USP46: variants seen among roughly 807,000 people sequenced by gnomAD.
USP46 encodes ubiquitin carboxyl-terminal hydrolase 46.
In USP46, 12 loss-of-function variants were observed where a neutral mutation model predicts 44.4. The ratio of observed to expected loss-of-function variants is 0.27; its 90% CI spans 0.17 to 0.44. The LOEUF (loss-of-function observed/expected upper bound fraction) is 0.44, where lower values mean the gene tolerates loss of function less well. USP46 is among the 20% of genes least tolerant of loss of function. The pLI is 1.00. For missense variants in USP46, 248 were observed against 444.8 expected, an observed-to-expected ratio of 0.56 and a Z score of 3.98; for synonymous variants, 155 against 161.5, an observed-to-expected ratio of 0.96 and a Z score of 0.31.
intron 4 of USP46, among the ~76,000 whole-genome samples, chr4:52,614,377 A>G (rs1041141301): frequency 6.6e-6 from 1 of 152,222 alleles, no homozygotes; most frequent in Non-Finnish European, 1.5e-5. Flanking sequence ...GGTGCCTCAC[A>G]GCCAAACTGT....
At chr4:52,613,247 C>G (rs7671541) in intron 4 of USP46, among the ~76,000 whole-genome samples, 27,928 of 152,068 alleles carry the variant, frequency 0.18, 3,076 homozygotes, top group African/African-American at 0.33. Context: ...CTCCAACTCT[C>G]CCCACATGTG....
At chr4:52,609,889 A>C (rs1165752412) in intron 5 of USP46, among the ~76,000 whole-genome samples, 1 of 84,704 alleles carries the variant, frequency 1.2e-5, no homozygotes, top group Non-Finnish European at 2.5e-5. Context: ...CTAAACCTCA[A>C]TTCTATTTCT....
chr4:52,640,640 A>G (rs1718301371), intron 1 of USP46, among the ~76,000 whole-genome samples: 1 of 148,640 alleles, frequency 6.7e-6, no homozygotes, highest in South Asian at 2.2e-4. Flanking sequence ...GTCTCTACTT[A>G]AAAAAAAAAT....
intron 4 of USP46, among the ~76,000 whole-genome samples, chr4:52,614,070 A>G (rs1717033208): frequency 6.6e-6 from 1 of 152,220 alleles, no homozygotes; most frequent in Non-Finnish European, 1.5e-5. Context: ...ATTTAACAGC[A>G]AAGTGGAGGT....
At chr4:52,631,023 C>G in intron 2 of USP46, 41 bp downstream of exon 2, 6 of 1,517,704 alleles carry the variant, frequency 4.0e-6, no homozygotes, top group Non-Finnish European at 5.4e-6. Context: ...CTTCATATAC[C>G]CTAAAACATT....
chr4:52,619,764 G>A (rs1270092346), intron 4 of USP46, among the ~76,000 whole-genome samples: 2 of 152,188 alleles, frequency 1.3e-5, no homozygotes, highest in African/African-American at 4.8e-5. Context: ...TCCATCAGAT[G>A]CTGTTGACCA....
At chr4:52,632,979 AGAAAG>A (rs1717939725) in intron 1 of USP46, among the ~76,000 whole-genome samples, 1 of 77,068 alleles carries the variant, frequency 1.3e-5, no homozygotes, top group Non-Finnish European at 2.5e-5. Flanking sequence ...AAAGAAAGAA[AGAAAG>A]AAAAGAAAAG....
At chr4:52,608,402 A>G (rs968437304) in intron 5 of USP46, among the ~76,000 whole-genome samples, 17 of 152,362 alleles carry the variant, frequency 1.1e-4, no homozygotes, top group African/African-American at 3.8e-4. Context: ...GAAATACTAC[A>G]TGAGAAACAC....
chr4:52,620,596 C>A (rs1717340548), intron 4 of USP46, among the ~76,000 whole-genome samples: 1 of 152,014 alleles, frequency 6.6e-6, no homozygotes, highest in East Asian at 1.9e-4. Flanking sequence ...TGTACAAAGC[C>A]ACTAGATTAG....
At chr4:52,609,837 C>G (rs1716854178) in intron 5 of USP46, among the ~76,000 whole-genome samples, 1 of 140,428 alleles carries the variant, frequency 7.1e-6, no homozygotes, top group South Asian at 2.4e-4. Context: ...TATGGATGAC[C>G]AACATACACA....
chr4:52,608,187 T>G (rs1716772426), intron 5 of USP46, among the ~76,000 whole-genome samples: 1 of 152,226 alleles, frequency 6.6e-6, no homozygotes, highest in East Asian at 1.9e-4. Flanking sequence ...GCAAATATTT[T>G]AAAACTTTAA....
chr4:52,657,063 A>G (rs1417987666), intron 1 of USP46, among the ~76,000 whole-genome samples: 2 of 151,002 alleles, frequency 1.3e-5, no homozygotes, highest in South Asian at 4.2e-4. Flanking sequence ...AAAAAAAAAA[A>G]GAACCAGGAC....
intron 4 of USP46, among the ~76,000 whole-genome samples, chr4:52,617,922 C>T (rs1717224714): frequency 6.6e-6 from 1 of 152,178 alleles, no homozygotes; most frequent in African/African-American, 2.4e-5. Flanking sequence ...TCTTCTCCCT[C>T]AATTTTGAGC....
intron 4 of USP46, among the ~76,000 whole-genome samples, chr4:52,616,294 A>T (rs1560397814): frequency 6.6e-6 from 1 of 152,196 alleles, no homozygotes. Context: ...CTGATTCAGA[A>T]TGTCAATAGT....
At chr4:52,635,630 G>C (rs1258414791) in intron 1 of USP46, among the ~76,000 whole-genome samples, 1 of 152,126 alleles carries the variant, frequency 6.6e-6, no homozygotes, top group Non-Finnish European at 1.5e-5. Flanking sequence ...ATGACAGAGA[G>C]ATCTCTCTTG....
intron 1 of USP46, among the ~76,000 whole-genome samples, chr4:52,636,949 T>C (rs1297612068): frequency 6.6e-6 from 1 of 151,660 alleles, no homozygotes; most frequent in Non-Finnish European, 1.5e-5. Flanking sequence ...AGCTGGGACT[T>C]ACAGGTGCAT....
intron 6 of USP46, among the ~76,000 whole-genome samples, chr4:52,603,750 T>G (rs1433599326): frequency 6.6e-6 from 1 of 152,182 alleles, no homozygotes; most frequent in Non-Finnish European, 1.5e-5. Context: ...AGTAGTACGA[T>G]CTCAGCTCAC....
At chr4:52,602,871 G>A (rs1252655642) in intron 6 of USP46, among the ~76,000 whole-genome samples, 1 of 152,146 alleles carries the variant, frequency 6.6e-6, no homozygotes, top group Non-Finnish European at 1.5e-5. Flanking sequence ...TTTTTACTAG[G>A]TGACCATTAA....
Position 52,658,967 on chromosome 4 carries a change from C to T in USP46, c.36+148G>A, listed in dbSNP as rs1719065319. The stretch of plus-strand genomic sequence containing the variant: ...CCGGCCGCTGAGGTGGCTGCGGCCG[C>T]GCGCCCAGCTCGGGGGCCGGGAACT... On this transcript the variant is annotated intron_variant, in intron 1 of 8. Coordinates refer to ENST00000441222, the MANE Select transcript of USP46 (RefSeq NM_022832.4). 14 of 953,232 alleles carry T rather than the reference C, an allele frequency of 1.5e-5. No individual in the cohort carries two copies. In the South Asian group the frequency reaches 3.9e-4, roughly 27 times the overall value. 59.0% of individuals were successfully genotyped at this position (953,232 alleles called of 1,614,324 possible).
Sources: allele counts gnomAD v4.1 joint callset (sites outside exome capture counted in the v4.1 genomes callset), GRCh38; gene constraint gnomAD v4.1.1; transcripts MANE v1.5; gene names NCBI Gene and HGNC (gene_info 2026-07-23, HGNC 2026-07-21).